Variants in ARSG observed in about 807,000 individuals in gnomAD.
ARSG encodes ASG.
In ARSG, 37 loss-of-function variants were observed where a neutral mutation model predicts 50.5. The ratio of observed to expected loss-of-function variants is 0.73; its 90% CI spans 0.56 to 0.96. ARSG has a LOEUF of 0.96. Ranked by LOEUF, ARSG falls within the 50% of genes least tolerant of loss-of-function variation. The pLI is 0.00. For missense variants in ARSG, 629 were observed against 675.3 expected (o/e 0.93, Z 0.76); for synonymous variants, 225 against 254.6 (o/e 0.88, Z 1.11).
intron 1 of ARSG, chr17:68,267,882 T>C (rs1395429044): frequency 6.6e-6 from 1 of 152,262 alleles, no homozygotes; most frequent in Non-Finnish European, 1.5e-5. Flanking sequence ...AACATAATTG[T>C]CTCTGTTACC....
chr17:68,364,468 G>C (rs1417435372), intron 6 of ARSG, among the ~76,000 whole-genome samples: 1 of 152,066 alleles, frequency 6.6e-6, no homozygotes, highest in Admixed American at 6.6e-5. Context: ...CCGCCTCCTG[G>C]GTTCAAGCCA....
chr17:68,432,130 C>G, the ARSG span, among the ~76,000 whole-genome samples: 1 of 151,930 alleles, frequency 6.6e-6, no homozygotes, highest in African/African-American at 2.4e-5. Flanking sequence ...TTGGGTTACA[C>G]CTGTGCAGAT....
chr17:68,438,162 GC>G, the ARSG span, among the ~76,000 whole-genome samples: 7 of 152,276 alleles, frequency 4.6e-5, no homozygotes, highest in African/African-American at 1.7e-4. Flanking sequence ...TGAGTCCACA[GC>G]AGGGCTGTCC....
chr17:68,305,555 C>T (rs1167346201), intron 1 of ARSG, among the ~76,000 whole-genome samples: 1 of 152,166 alleles, frequency 6.6e-6, no homozygotes, highest in Non-Finnish European at 1.5e-5. Context: ...ACTGGTTGAA[C>T]ATGTCTTTAG....
At chr17:68,377,566 G>T (rs1385385299) in intron 8 of ARSG, among the ~76,000 whole-genome samples, 3 of 152,102 alleles carry the variant, frequency 2.0e-5, no homozygotes, top group South Asian at 2.1e-4. Context: ...AATCAGTGGG[G>T]GTACTGCCCA....
At chr17:68,414,385 G>C (rs1308551079) in intron 11 of ARSG, among the ~76,000 whole-genome samples, 1 of 152,156 alleles carries the variant, frequency 6.6e-6, no homozygotes, top group Admixed American at 6.5e-5. Context: ...AAACCCCCTT[G>C]ATTATGGTGA....
At chr17:68,434,204 A>T in the ARSG span, among the ~76,000 whole-genome samples, 1 of 152,146 alleles carries the variant, frequency 6.6e-6, no homozygotes, top group Non-Finnish European at 1.5e-5. Flanking sequence ...CCTACATCCG[A>T]TAAGATCCCA....
At chr17:68,379,779 T>C (rs2080340888) in intron 8 of ARSG, 2 of 977,400 alleles carry the variant, frequency 2.0e-6, no homozygotes, top group Non-Finnish European at 2.4e-6. Context: ...ATTAGTTAAA[T>C]GAAAAACACT....
At chr17:68,315,794 G>A (rs1355699396) in intron 2 of ARSG, among the ~76,000 whole-genome samples, 2 of 152,048 alleles carry the variant, frequency 1.3e-5, no homozygotes, top group Admixed American at 6.6e-5. Context: ...CACCATACCT[G>A]GCTAATTTTT....
the ARSG span, among the ~76,000 whole-genome samples, chr17:68,431,742 C>A: frequency 6.6e-6 from 1 of 152,266 alleles, no homozygotes. Flanking sequence ...GAGCCGTAAC[C>A]GCCGGGGACA....
At chr17:68,360,145 C>T (rs1304343651) in intron 6 of ARSG, among the ~76,000 whole-genome samples, 6 of 152,188 alleles carry the variant, frequency 3.9e-5, no homozygotes, top group Admixed American at 6.5e-5. Context: ...GCAAATCAAC[C>T]GACAGCCTCC....
At chr17:68,337,999 C>G (rs1038499101) in intron 2 of ARSG, among the ~76,000 whole-genome samples, 9 of 152,156 alleles carry the variant, frequency 5.9e-5, no homozygotes, top group African/African-American at 2.2e-4. Context: ...TCAGGCAGGT[C>G]TCCGAGGAAA....
At chr17:68,275,149 G>A (rs1233096293) in intron 1 of ARSG, among the ~76,000 whole-genome samples, 1 of 152,180 alleles carries the variant, frequency 6.6e-6, no homozygotes, top group Non-Finnish European at 1.5e-5. Flanking sequence ...GAGTTGCTAT[G>A]GGATAGATAA....
intron 9 of ARSG, among the ~76,000 whole-genome samples, chr17:68,389,973 CCTTTCTTTCTTTCTTT>C (rs72124884): frequency 6.6e-6 from 1 of 150,668 alleles, no homozygotes; most frequent in Non-Finnish European, 1.5e-5. Flanking sequence ...GCAGGCCAGG[CCTTTCTTTCTTTCTTT>C]CTTTCTTTCT....
intron 3 of ARSG, among the ~76,000 whole-genome samples, chr17:68,345,808 A>G (rs887116921): frequency 6.6e-6 from 1 of 152,172 alleles, no homozygotes; most frequent in African/African-American, 2.4e-5. Flanking sequence ...CATAATTTTA[A>G]TATAATGTCA....
chr17:68,394,222 A>G (rs1010742566), intron 9 of ARSG, among the ~76,000 whole-genome samples: 15 of 152,334 alleles, frequency 9.8e-5, no homozygotes, highest in African/African-American at 2.6e-4. Flanking sequence ...TTGCACCTCA[A>G]ACTGCAAAAG....
chr17:68,293,788 C>T (rs923049812), intron 1 of ARSG, among the ~76,000 whole-genome samples: 1 of 152,140 alleles, frequency 6.6e-6, no homozygotes, highest in East Asian at 1.9e-4. Flanking sequence ...CCAAAGATGA[C>T]ATTTGCCATC....
the ARSG span, chr17:68,444,405 C>G: frequency 5.6e-5 from 69 of 1,225,216 alleles, 1 homozygote; most frequent in East Asian, 1.2e-3. Flanking sequence ...CACTGCTTCA[C>G]GTTCGCAATT....
At chr17:68,368,788 C>T (rs545640632) in intron 7 of ARSG, 44 bp downstream of exon 7, 1 of 1,584,998 alleles carries the variant, frequency 6.3e-7, no homozygotes, top group Admixed American at 1.8e-5. Context: ...ATTTAATAGA[C>T]AACCTTGCAC....
Sources: allele counts gnomAD v4.1 joint callset (sites outside exome capture counted in the v4.1 genomes callset), GRCh38; gene constraint gnomAD v4.1.1; transcripts MANE v1.5; gene names NCBI Gene and HGNC (gene_info 2026-07-23, HGNC 2026-07-21).